The following MINAR1 variants were observed in gnomAD, a reference collection of about 807,000 sequenced individuals.
MINAR1 encodes the protein membrane integral NOTCH2 associated receptor 1, also known as major intrinsically disordered Notch2-binding receptor 1.
Under a neutral mutation model 65.1 loss-of-function variants are expected in MINAR1, and 40 were observed. That is an observed-to-expected ratio of 0.61 (90% CI 0.48 to 0.80). The LOEUF (loss-of-function observed/expected upper bound fraction) is 0.80. Ranked by LOEUF, MINAR1 falls within the 30% of genes least tolerant of loss-of-function variation. The pLI is 0.00. For synonymous variants in MINAR1, 482 were observed against 449.1 expected (o/e 1.07, Z -0.93); for missense variants, 1,128 against 1,148.0 (o/e 0.98, Z 0.25).
chr15:79,456,473 G>T lies in MINAR1; in HGVS notation c.326G>T (p.Arg109Leu), dbSNP rs779048416. 3.1e-6 allele frequency: 5 copies of T among 1,614,004 alleles called. No homozygotes were observed. The highest frequency in any genetic ancestry group is 4.2e-6 in the Non-Finnish European group (5 of 1,180,038). Residue 109 changes from arginine to leucine, a missense_variant, in exon 2 of 4, where the codon CGC (arginine) becomes CTC (leucine). Coordinates refer to ENST00000305428, the MANE Select transcript of MINAR1 (RefSeq NM_015206.3). The stretch of plus-strand genomic sequence containing the variant: ...GCCAAGGAGAAGCTGCCCACGGGCC[G>T]CCAGAAGGTACGCAAGAAGGAGGCA... Reference protein sequence around the residue: ...GAAKEKLPTGRQKVRKKEASF... With the variant: ...GAAKEKLPTGLQKVRKKEASF...
chr15:79,461,480 ACT>A (rs1895638889), intron 2 of MINAR1, among the ~76,000 whole-genome samples: 1 of 152,168 alleles, frequency 6.6e-6, no homozygotes, highest in South Asian at 2.1e-4. Flanking sequence ...CTTGGTGCAG[ACT>A]CTGCATGCAA....
intron 1 of MINAR1, among the ~76,000 whole-genome samples, chr15:79,454,338 G>C (rs1253284209): frequency 6.6e-6 from 1 of 152,184 alleles, no homozygotes; most frequent in Non-Finnish European, 1.5e-5. Flanking sequence ...TCAGGATGGA[G>C]AGAAAGCTCA....
At chr15:79,419,835 G>A in the MINAR1 span, 8 of 152,120 alleles carry the variant, frequency 5.3e-5, no homozygotes, top group African/African-American at 1.7e-4. Context: ...AGACATGCAG[G>A]ATGAATCCAA....
intron 1 of MINAR1, among the ~76,000 whole-genome samples, chr15:79,442,641 A>C (rs1894903898): frequency 6.6e-6 from 1 of 151,688 alleles, no homozygotes; most frequent in Non-Finnish European, 1.5e-5. Flanking sequence ...ATAGCAAAAA[A>C]TCTGCCTGGT....
chr15:79,435,666 G>T (rs776894392), intron 1 of MINAR1, among the ~76,000 whole-genome samples: 6 of 152,192 alleles, frequency 3.9e-5, no homozygotes, highest in African/African-American at 7.2e-5. Context: ...AATGAAGAGG[G>T]AGTAAAGTTA....
upstream of MINAR1, among the ~76,000 whole-genome samples, chr15:79,428,471 TTTCCCTCCTTTCTTCCCC>T: frequency 8.8e-6 from 1 of 113,734 alleles, no homozygotes; most frequent in Admixed American, 8.8e-5. Context: ...TCCCTCCCTC[TTTCCCTCCTTTCTTCCCC>T]CTCCCTCCCT....
chr15:79,448,989 A>G (rs1895103349), intron 1 of MINAR1, among the ~76,000 whole-genome samples: 1 of 152,212 alleles, frequency 6.6e-6, no homozygotes. Context: ...TGTAGACTGG[A>G]CAGCAACAAC....
chr15:79,470,754 T>A lies in MINAR1; in HGVS notation c.*2370T>A, dbSNP rs1040047843. ...AATTCAACTCAACATTGTTGTCACGTAACGGAAACATCTAGACCTGGTAAT... is the reference window on the plus strand; with the variant it reads ...AATTCAACTCAACATTGTTGTCACGAAACGGAAACATCTAGACCTGGTAAT... On this transcript the variant is annotated 3_prime_UTR_variant, in exon 4 of 4. Coordinates refer to ENST00000305428, the MANE Select transcript of MINAR1 (RefSeq NM_015206.3). 1.3e-5 allele frequency: 2 copies of A among 152,228 alleles called. No homozygotes were observed. The highest frequency in any genetic ancestry group is 1.3e-4 in the Admixed American group (2 of 15,288). 9.4% of individuals were successfully genotyped at this position (152,228 alleles called of 1,614,324 possible).
rs2141272188 is a variant in MINAR1, at chr15:79,432,460, C to G, written c.-131C>G. ...CTGGAGCCTACCGGAGGCGCGGCAT[C>G]GGAGGCCGTGCGGACCACTGCCGAA... On this transcript the variant is annotated 5_prime_UTR_variant, in exon 1 of 4. In the 5' UTR this introduces an upstream ATG that the reference lacks. Transcript: ENST00000305428. 6.6e-6 allele frequency: 1 copy of G among 152,374 alleles called. No homozygotes were observed. Among genetic ancestry groups the G allele is most frequent in the East Asian group, 1.9e-4 (1 of 5,168 alleles). 9.4% of individuals were successfully genotyped at this position (152,374 alleles called of 1,614,324 possible).
Position 79,460,649 on chromosome 15 carries a change from G to A in MINAR1, c.2298+2204G>A, listed in dbSNP as rs1488088864. Among the ~76,000 whole-genome samples the A allele has an allele frequency of 3.3e-5, 5 of 152,132 alleles. No individual in the cohort carries two copies. In the East Asian group the frequency reaches 9.6e-4, roughly 29 times the overall value. ...CATCTCATGGGCCACTGCTGCATTC[G>A]CTTTCCTAAAATGCCACTCTCTGTG... On this transcript the variant is annotated intron_variant, in intron 2 of 3. Transcript: ENST00000305428.
intron 1 of MINAR1, among the ~76,000 whole-genome samples, chr15:79,443,486 G>A (rs908083141): frequency 5.3e-5 from 8 of 152,208 alleles, no homozygotes; most frequent in South Asian, 2.1e-4. Context: ...CCCAGAAACC[G>A]CTATCCCAAA....
intron 1 of MINAR1, among the ~76,000 whole-genome samples, chr15:79,450,124 G>A (rs1163123262): frequency 6.6e-6 from 1 of 152,206 alleles, no homozygotes; most frequent in African/African-American, 2.4e-5. Context: ...AACCCTGGGT[G>A]TTGGGGACAG....
At chr15:79,464,382 T>C (rs1252555508) in intron 3 of MINAR1, among the ~76,000 whole-genome samples, 1 of 152,228 alleles carries the variant, frequency 6.6e-6, no homozygotes, top group Non-Finnish European at 1.5e-5. Context: ...CTTTGCATGG[T>C]GCTTTTTACA....
Position 79,468,484 on chromosome 15 carries a change from T to C in MINAR1, c.*100T>C, listed in dbSNP as rs536517690. On this transcript the variant is annotated 3_prime_UTR_variant, in exon 4 of 4. Transcript: ENST00000305428. ...AGGCAACAATTTGTTGAAATGGAGA[T>C]GAAATCATGGAGGCATTTCTACAAA... 1.6e-4 allele frequency: 167 copies of C among 1,076,750 alleles called. No individual in the cohort carries two copies. The highest frequency in any genetic ancestry group is 6.3e-4 in the Middle Eastern group (3 of 4,778). The allele number at this position is 1,076,750 out of a possible 1,614,324, so 66.7% of individuals were successfully genotyped here.
chr15:79,425,574 C>T, the MINAR1 span: 64 of 152,284 alleles, frequency 4.2e-4, no homozygotes, highest in African/African-American at 1.5e-3. Flanking sequence ...CATGGCAGCT[C>T]AACCAACAAG....
In MINAR1 at chr15:79,457,229, A is replaced by G. The variant is rs1434311681; in HGVS notation, c.1082A>G (p.Gln361Arg). The G allele has an allele frequency of 6.2e-7, 1 of 1,614,008 alleles. No individual in the cohort carries two copies. Among genetic ancestry groups the G allele is most frequent in the Non-Finnish European group, 8.5e-7 (1 of 1,180,014 alleles). Residue 361 changes from glutamine (Q) to arginine (R), a missense_variant, in exon 2 of 4, where the codon CAG (glutamine) becomes CGG (arginine). Physicochemically the swap from Gln to Arg is conservative, Grantham distance 43 (BLOSUM62 1). Coordinates refer to ENST00000305428, the MANE Select transcript of MINAR1 (RefSeq NM_015206.3). ...CGCTGTCTAGGGAAGCCCAACAAGC[A>G]GACTCCCTGGCCAGCCAAAAGCTGG... ...ARRCLGKPNK[Q>R]TPWPAKSWSL...
chr15:79,462,726 A>G (rs752167443), intron 2 of MINAR1, among the ~76,000 whole-genome samples: 24 of 152,100 alleles, frequency 1.6e-4, no homozygotes, highest in Non-Finnish European at 3.1e-4. Flanking sequence ...TCCTAGCTCC[A>G]CCCCTTACTA....
At chr15:79,411,474 C>T in the MINAR1 span, 7 of 702,346 alleles carry the variant, frequency 1.0e-5, no homozygotes, top group South Asian at 7.4e-5. Flanking sequence ...CACCTGCCAC[C>T]GAGGGACTGG....
At position 79,468,953 on chromosome 15, in the gene MINAR1, T is replaced by G. The variant is rs565024460; in HGVS notation, c.*569T>G. 6.3e-6 allele frequency: 1 copy of G among 159,892 alleles called. No homozygotes were observed. The highest frequency in any genetic ancestry group is 1.4e-5 in the Non-Finnish European group (1 of 71,940). 9.9% of individuals were successfully genotyped at this position (159,892 alleles called of 1,614,324 possible). On this transcript the variant is annotated 3_prime_UTR_variant, in exon 4 of 4. Transcript: ENST00000305428. ...CCCTTTTGTCATCAACACGACAGAG[T>G]GTCTGCATCACTGCAGATCTTCATG... is the stretch of plus-strand genomic sequence containing the variant.
Sources: gnomAD v4.1 joint callset for allele counts (sites outside exome capture counted in the v4.1 genomes callset) on GRCh38, gnomAD v4.1.1 for gene constraint, MANE v1.5 for transcripts, NCBI Gene and HGNC (gene_info 2026-07-23, HGNC 2026-07-21) for gene names.